NHSL1: variants seen among roughly 807,000 people sequenced by gnomAD.
NHSL1 encodes NHS-like protein 1.
A neutral mutation model predicts 95.0 loss-of-function variants in NHSL1; 48 were observed. The ratio of observed to expected loss-of-function variants is 0.51; its 90% CI spans 0.40 to 0.64. The LOEUF is 0.64. NHSL1 is among the 30% of genes least tolerant of loss of function. The pLI, the probability that NHSL1 is intolerant of heterozygous loss-of-function variation, is 0.00. For missense variants in NHSL1, 1,971 were observed against 2,077.7 expected, an observed-to-expected ratio of 0.95 and a Z score of 1.00; for synonymous variants, 783 against 833.9, an observed-to-expected ratio of 0.94 and a Z score of 1.05.
intron 1 of NHSL1, among the ~76,000 whole-genome samples, chr6:138,688,911 C>G (rs1185341941): frequency 5.3e-5 from 8 of 152,136 alleles, no homozygotes; most frequent in Non-Finnish European, 2.9e-5. Flanking sequence ...AAGTAATTGT[C>G]TCGATCACTT....
chr6:138,549,477 G>A (rs1782923291), upstream of NHSL1, among the ~76,000 whole-genome samples: 1 of 152,142 alleles, frequency 6.6e-6, no homozygotes, highest in Non-Finnish European at 1.5e-5. Context: ...CACAGATAAG[G>A]AACACCTGGA....
chr6:138,692,918 AGGAAGGAC>A (rs1562415408), upstream of NHSL1, among the ~76,000 whole-genome samples: 1 of 150,694 alleles, frequency 6.6e-6, no homozygotes, highest in Non-Finnish European at 1.5e-5. This position sits in a 1 kb window ranked among gnomAD's most constrained non-coding sequence, Gnocchi z 4.0. Context: ...CCGGGCGGGC[AGGAAGGAC>A]GGACGGACGG....
intron 3 of NHSL1, among the ~76,000 whole-genome samples, chr6:138,457,485 A>C (rs1009204603): frequency 1.3e-5 from 2 of 152,186 alleles, no homozygotes; most frequent in African/African-American, 2.4e-5. Flanking sequence ...TCTCTTTTCT[A>C]ATTTATATGT....
chr6:138,429,781 C>T lies in NHSL1; in HGVS notation c.4015G>A (p.Asp1339Asn), dbSNP rs1482354246. Residue 1339 changes from aspartate to asparagine, a missense_variant, in exon 7 of 8, where the codon GAC becomes AAC. Transcript: ENST00000343505. ...SSEACDFLKE[D>N]GNDEVMTPSR... ...GGGGTCATTACCTCATCATTCCCGT[C>T]TTCCTTGAGGAAGTCACAGGCCTCT... 12 of 1,551,850 alleles carry T rather than the reference C, an allele frequency of 7.7e-6. No individual in the cohort carries two copies. Among genetic ancestry groups the T allele is most frequent in the Non-Finnish European group, 7.0e-6 (8 of 1,147,010 alleles).
intron 1 of NHSL1, among the ~76,000 whole-genome samples, chr6:138,568,268 G>C (rs1369638525): frequency 1.3e-5 from 2 of 152,110 alleles, no homozygotes; most frequent in African/African-American, 4.8e-5. Context: ...TAACCCCCCT[G>C]CTTTAGATGT....
At chr6:138,659,862 G>A in intron 1 of NHSL1, among the ~76,000 whole-genome samples, 1 of 151,950 alleles carries the variant, frequency 6.6e-6, no homozygotes, top group East Asian at 1.9e-4. Flanking sequence ...TTACAGGCAT[G>A]CACCATCACA....
chr6:138,562,417 C>T lies in NHSL1; in HGVS notation c.202+9293G>A, dbSNP rs148144380. On this transcript the variant is annotated intron_variant, in intron 1 of 6. Coordinates refer to the NHSL1 transcript ENST00000427025. Reference sequence around the variant, plus strand: ...ATCCCAGCACTTTGGGAGGCTGAGGCGGGTGGATCACCTGAGGTCAGGAGT... The same window carrying T: ...ATCCCAGCACTTTGGGAGGCTGAGGTGGGTGGATCACCTGAGGTCAGGAGT... Among the ~76,000 whole-genome samples the T allele has an allele frequency of 4.4e-3, 663 of 152,204 alleles. 2 individuals are homozygous for T. The highest frequency in any genetic ancestry group is 0.015 in the African/African-American group (617 of 41,532).
chr6:138,689,964 G>T (rs973244562), intron 1 of NHSL1, among the ~76,000 whole-genome samples: 2 of 152,134 alleles, frequency 1.3e-5, no homozygotes, highest in Non-Finnish European at 2.9e-5. Context: ...TCTTCTAAAG[G>T]GAAGGAACAC....
At chr6:138,434,758 T>A (rs113474146) in intron 5 of NHSL1, among the ~76,000 whole-genome samples, 1,978 of 152,272 alleles carry the variant, frequency 0.013, 37 homozygotes, top group African/African-American at 0.045. Context: ...GACACCTGGA[T>A]GCGACCCTAG....
intron 1 of NHSL1, among the ~76,000 whole-genome samples, chr6:138,626,056 T>C (rs1341186002): frequency 6.6e-6 from 1 of 152,252 alleles, no homozygotes; most frequent in Non-Finnish European, 1.5e-5. Context: ...CACTGAGGCA[T>C]TACTGGCTAT....
intron 1 of NHSL1, among the ~76,000 whole-genome samples, chr6:138,649,761 T>C (rs1583465760): frequency 6.6e-6 from 1 of 152,150 alleles, no homozygotes; most frequent in South Asian, 2.1e-4. Flanking sequence ...CTAGACATGA[T>C]GGTGGCCGTG....
chr6:138,535,303 C>A (rs9389588), intron 1 of NHSL1, among the ~76,000 whole-genome samples: 39,925 of 152,038 alleles, frequency 0.26, 6,075 homozygotes, highest in Middle Eastern at 0.49. Flanking sequence ...GTGGCTCACA[C>A]CTATAATTCC....
chr6:138,580,382 C>G (rs1784034946), intron 1 of NHSL1, among the ~76,000 whole-genome samples: 1 of 152,170 alleles, frequency 6.6e-6, no homozygotes, highest in Non-Finnish European at 1.5e-5. Flanking sequence ...AGGCCTGAGT[C>G]AAGCCTCTGG....
chr6:138,579,456 A>C (rs985823644), intron 1 of NHSL1, among the ~76,000 whole-genome samples: 2 of 152,256 alleles, frequency 1.3e-5, no homozygotes, highest in South Asian at 2.1e-4. Flanking sequence ...CCTGAATTAA[A>C]GGGTTAATAA....
Position 138,456,648 on chromosome 6 carries a change from C to T in NHSL1, c.340-9455G>A, listed in dbSNP as rs139255226. 2.7e-3 allele frequency among the ~76,000 whole-genome samples: 412 copies of T among 152,216 alleles called. 1 individual carries two copies. Among genetic ancestry groups the T allele is most frequent in the South Asian group, 0.02 (97 of 4,820 alleles). ...GTGAAGGTTTCCCAGATTCAGTGAA[C>T]GTATCATCAAATATAACTTCCGATA... On this transcript the variant is annotated intron_variant, in intron 3 of 7. Coordinates refer to ENST00000343505, the MANE Select transcript of NHSL1 (RefSeq NM_001144060.2).
chr6:138,549,942 A>C (rs901246346), upstream of NHSL1, among the ~76,000 whole-genome samples: 1 of 152,160 alleles, frequency 6.6e-6, no homozygotes, highest in Non-Finnish European at 1.5e-5. Flanking sequence ...ATCATATTAA[A>C]AAAAAATCCC....
intron 1 of NHSL1, 63 bp from the exon 2 acceptor site, chr6:138,496,434 CATG>C (rs1780358598): frequency 1.3e-6 from 2 of 1,498,978 alleles, no homozygotes; most frequent in African/African-American, 1.4e-5. Context: ...TTCATTACAT[CATG>C]ATGTGTTTCC....
chr6:138,437,114 A>T (rs999003766), intron 5 of NHSL1, among the ~76,000 whole-genome samples: 1 of 151,818 alleles, frequency 6.6e-6, no homozygotes, highest in Admixed American at 6.6e-5. Context: ...TCTACTAAAA[A>T]TACAAAAAAA....
At chr6:138,570,793 T>C (rs1329241582) in intron 1 of NHSL1, among the ~76,000 whole-genome samples, 1 of 152,232 alleles carries the variant, frequency 6.6e-6, no homozygotes, top group Admixed American at 6.5e-5. Context: ...TCTTTTGGCA[T>C]GGGGAAGAAT....
Sources: allele counts gnomAD v4.1 joint callset (sites outside exome capture counted in the v4.1 genomes callset), GRCh38; gene constraint gnomAD v4.1.1; non-coding constraint Gnocchi (gnomAD v3.1); transcripts MANE v1.5; gene names NCBI Gene and HGNC (gene_info 2026-07-23, HGNC 2026-07-21).